FBXL20: variants seen among roughly 807,000 people sequenced by gnomAD.
FBXL20 encodes the protein F-box and leucine rich repeat protein 20, also known as F-box/LRR-repeat protein 20.
A neutral mutation model predicts 64.0 loss-of-function variants in FBXL20; 11 were observed. The ratio of observed to expected loss-of-function variants is 0.17; its 90% confidence interval spans 0.11 to 0.28. FBXL20 has a LOEUF of 0.28. Among genes scored for constraint, FBXL20 ranks in the 10% least tolerant of loss-of-function variants. The probability of loss-of-function intolerance (pLI) is 1.00; values close to 1 mark genes in which losing one functional copy is unlikely to be tolerated. For synonymous variants in FBXL20, 184 were observed against 189.0 expected (o/e 0.97, Z 0.22); for missense variants, 303 against 526.2 (o/e 0.58, Z 4.15).
At chr17:39,267,853 G>C (rs2046806001) in intron 12 of FBXL20, among the ~76,000 whole-genome samples, 1 of 152,174 alleles carries the variant, frequency 6.6e-6, no homozygotes, top group Admixed American at 6.5e-5. Flanking sequence ...GCATGTATAA[G>C]AGATAAACGG....
chr17:39,401,605 C>G lies in FBXL20; in HGVS notation c.-203G>C, dbSNP rs1231427722. ...GGCGCCGGCGGCCGCAACGACTGCT[C>G]GTCGCTAGCTCGGCTCTCTCCTCAG... On this transcript the variant is annotated 5_prime_UTR_variant, in exon 1 of 15. Coordinates refer to ENST00000264658, the MANE Select transcript of FBXL20 (RefSeq NM_032875.3). 2.2e-5 allele frequency: 31 copies of G among 1,404,240 alleles called. No homozygotes were observed. The highest frequency in any genetic ancestry group is 2.8e-5 in the Non-Finnish European group (31 of 1,088,368). The allele number at this position is 1,404,240 out of a possible 1,614,324, so 87.0% of individuals were successfully genotyped here.
At chr17:39,401,315 G>GCA (rs1567912392) in intron 1 of FBXL20, 46 bp downstream of exon 1, 1 of 1,612,072 alleles carries the variant, frequency 6.2e-7, no homozygotes, top group Non-Finnish European at 8.5e-7. Flanking sequence ...GGATTAGAGC[G>GCA]CGCGACCCGC....
At chr17:39,315,876 T>G in intron 2 of FBXL20, among the ~76,000 whole-genome samples, 2 of 108,742 alleles carry the variant, frequency 1.8e-5, no homozygotes, top group Admixed American at 9.2e-5. Context: ...AGAGAGCAAC[T>G]GTAGAGCGAA....
At position 39,401,545 on chromosome 17, in the gene FBXL20, C is replaced by G; in HGVS notation, c.-143G>C. ...GGACCGTGGGACGGGAACAAGAGAC[C>G]TCTCGGCTCCGGCTAGGCCTCCACC... On this transcript the variant is annotated 5_prime_UTR_variant, in exon 1 of 15. Coordinates refer to ENST00000264658, the MANE Select transcript of FBXL20 (RefSeq NM_032875.3). 1 of 1,433,086 alleles carries G rather than the reference C, an allele frequency of 7.0e-7. No homozygotes were observed. Among genetic ancestry groups the G allele is most frequent in the Non-Finnish European group, 9.1e-7 (1 of 1,103,946 alleles). The allele number at this position is 1,433,086 out of a possible 1,614,324, so 88.8% of individuals were successfully genotyped here.
chr17:39,387,087 G>A (rs972558239), intron 1 of FBXL20, among the ~76,000 whole-genome samples: 2 of 152,180 alleles, frequency 1.3e-5, no homozygotes, highest in Non-Finnish European at 2.9e-5. Context: ...AAACTGCAAT[G>A]AGTACACGCA....
intron 2 of FBXL20, among the ~76,000 whole-genome samples, chr17:39,312,121 A>T (rs780598480): frequency 2.0e-5 from 3 of 152,162 alleles, no homozygotes; most frequent in Non-Finnish European, 4.4e-5. Flanking sequence ...TCCTCTATTA[A>T]AGTAGTAAGA....
intron 1 of FBXL20, among the ~76,000 whole-genome samples, chr17:39,391,251 C>CAAAA (rs746792198): frequency 1.7e-5 from 1 of 60,052 alleles, no homozygotes; most frequent in African/African-American, 5.9e-5. Context: ...CCACCTGTCT[C>CAAAA]AAAAAAAAAA....
chr17:39,299,694 T>C (rs1009007277), intron 4 of FBXL20, among the ~76,000 whole-genome samples: 1 of 152,032 alleles, frequency 6.6e-6, no homozygotes, highest in Non-Finnish European at 1.5e-5. Context: ...GGCAGGAGAA[T>C]GGCGTGAACC....
chr17:39,289,035 C>T (rs983037332), intron 6 of FBXL20, among the ~76,000 whole-genome samples: 1 of 152,104 alleles, frequency 6.6e-6, no homozygotes, highest in African/African-American at 2.4e-5. Context: ...TAATGAGGTA[C>T]AATTTATCAT....
chr17:39,265,380 T>C lies in FBXL20; in HGVS notation c.990+17A>G. 1 of 1,599,078 alleles carries C rather than the reference T, an allele frequency of 6.3e-7. No homozygotes were observed. Among genetic ancestry groups the C allele is most frequent in the Non-Finnish European group, 8.6e-7 (1 of 1,167,976 alleles). On this transcript the variant is annotated intron_variant, in intron 13 of 14. Transcript: ENST00000264658. ...TTAAACCCAGTAAACACATAAAGTT[T>C]TCAAAGTTAAACTCACCAATACTTG...
chr17:39,341,229 T>C (rs1330442313), intron 2 of FBXL20, among the ~76,000 whole-genome samples: 1 of 152,152 alleles, frequency 6.6e-6, no homozygotes, highest in Non-Finnish European at 1.5e-5. Context: ...TCAGAATTGG[T>C]TGTTTGGAAT....
chr17:39,359,196 G>A (rs550561142), intron 1 of FBXL20, among the ~76,000 whole-genome samples: 6 of 152,096 alleles, frequency 3.9e-5, no homozygotes, highest in African/African-American at 1.2e-4. Context: ...TTAGCGTGGC[G>A]GCACGCACTT....
chr17:39,393,484 T>TA (rs1352652350), intron 1 of FBXL20, among the ~76,000 whole-genome samples: 170 of 152,260 alleles, frequency 1.1e-3, no homozygotes, highest in Non-Finnish European at 1.9e-4. Context: ...TCCATGTTGT[T>TA]AGATAAAATT....
intron 8 of FBXL20, 42 bp downstream of exon 8, chr17:39,282,687 C>G (rs748785186): frequency 6.2e-7 from 1 of 1,613,538 alleles, no homozygotes; most frequent in Non-Finnish European, 8.5e-7. Flanking sequence ...ATGATTCATT[C>G]ACGATTCTTC....
intron 2 of FBXL20, among the ~76,000 whole-genome samples, chr17:39,320,266 G>GT (rs1341851473): frequency 6.9e-6 from 1 of 143,968 alleles, no homozygotes; most frequent in Non-Finnish European, 1.5e-5. Flanking sequence ...AATTTTTTTG[G>GT]TATCAAGTAA....
chr17:39,311,989 T>C (rs1368723097), intron 2 of FBXL20, among the ~76,000 whole-genome samples: 1 of 152,058 alleles, frequency 6.6e-6, no homozygotes, highest in Non-Finnish European at 1.5e-5. Context: ...CTAATTCTGT[T>C]CTTAGAATGT....
At chr17:39,265,483 G>A in intron 12 of FBXL20, 30 bp from the exon 13 acceptor site, 1 of 1,510,656 alleles carries the variant, frequency 6.6e-7, no homozygotes, top group Non-Finnish European at 9.2e-7. Context: ...TTGATTTTAG[G>A]TATAATCCAA....
chr17:39,399,350 A>G (rs1430903279), intron 1 of FBXL20, among the ~76,000 whole-genome samples: 1 of 152,236 alleles, frequency 6.6e-6, no homozygotes, highest in African/African-American at 2.4e-5. Flanking sequence ...TTGAAAGTAA[A>G]TATTTAAAAT....
At position 39,259,671 on chromosome 17, in the gene FBXL20, A is replaced by G. The variant is rs2046727475; in HGVS notation, c.*1789T>C. 6.6e-6 allele frequency: 1 copy of G among 152,000 alleles called. No individual in the cohort carries two copies. Among genetic ancestry groups the G allele is most frequent in the South Asian group, 2.1e-4 (1 of 4,826 alleles). 9.4% of individuals were successfully genotyped at this position (152,000 alleles called of 1,614,324 possible). A position where few individuals can be genotyped will look rare whatever the true frequency, so the allele number is the denominator to read the frequency against. On this transcript the variant is annotated 3_prime_UTR_variant, in exon 15 of 15. Coordinates refer to ENST00000264658, the MANE Select transcript of FBXL20 (RefSeq NM_032875.3). ...AGCTGCCTCAATGCTTCACCTGGCTACATTCATACTTCATTCAGAAGTCTG... is the reference window on the plus strand; with the variant it reads ...AGCTGCCTCAATGCTTCACCTGGCTGCATTCATACTTCATTCAGAAGTCTG...
Sources: allele counts gnomAD v4.1 joint callset (sites outside exome capture counted in the v4.1 genomes callset), GRCh38; gene constraint gnomAD v4.1.1; transcripts MANE v1.5; gene names NCBI Gene and HGNC (gene_info 2026-07-23, HGNC 2026-07-21).